Variants in FHIT observed in about 807,000 individuals in gnomAD.
FHIT encodes bis(5'-adenosyl)-triphosphatase.
A neutral mutation model predicts 17.9 loss-of-function variants in FHIT; 19 were observed. The ratio of observed to expected loss-of-function variants is 1.06; its 90% CI spans 0.74 to 1.56. The LOEUF (loss-of-function observed/expected upper bound fraction) is 1.56, where lower values mean the gene tolerates loss of function less well. FHIT is among the 40% of genes most tolerant of loss of function. The pLI is 0.00. For missense variants in FHIT, 248 were observed against 189.2 expected (o/e 1.31, Z -1.82); for synonymous variants, 81 against 69.7 (o/e 1.16, Z -0.81).
intron 6 of FHIT, among the ~76,000 whole-genome samples, chr3:60,011,864 T>C (rs1040180783): frequency 6.6e-6 from 1 of 152,190 alleles, no homozygotes; most frequent in African/African-American, 2.4e-5. Flanking sequence ...ATTCTGACCT[T>C]GTGGGAGACA....
intron 5 of FHIT, among the ~76,000 whole-genome samples, chr3:60,176,432 G>T (rs192010832): frequency 1.1e-4 from 16 of 152,172 alleles, no homozygotes; most frequent in Non-Finnish European, 2.2e-4. Flanking sequence ...AATTAGTAAA[G>T]AATATAGAAA....
At chr3:59,840,811 C>T (rs1212971232) in intron 8 of FHIT, among the ~76,000 whole-genome samples, 1 of 152,082 alleles carries the variant, frequency 6.6e-6, no homozygotes, top group Admixed American at 6.6e-5. Context: ...AGCTCTGGGA[C>T]CTTGGGCACC....
intron 8 of FHIT, among the ~76,000 whole-genome samples, chr3:59,775,703 C>T (rs561699663): frequency 2.6e-5 from 4 of 152,264 alleles, no homozygotes; most frequent in Admixed American, 6.5e-5. Flanking sequence ...GAATGGTTTC[C>T]CCTTTGTCAC....
chr3:59,763,279 C>T (rs1701620376), intron 8 of FHIT, among the ~76,000 whole-genome samples: 1 of 152,176 alleles, frequency 6.6e-6, no homozygotes, highest in Non-Finnish European at 1.5e-5. Context: ...GGAAACTCTC[C>T]AAGGAGAAAG....
At chr3:61,055,318 A>T (rs939151398) in intron 2 of FHIT, among the ~76,000 whole-genome samples, 4 of 152,152 alleles carry the variant, frequency 2.6e-5, no homozygotes, top group Non-Finnish European at 5.9e-5. Context: ...ACTTGAACTC[A>T]AAGGTAATAC....
At chr3:60,249,893 C>T (rs1013201248) in intron 5 of FHIT, among the ~76,000 whole-genome samples, 3 of 152,208 alleles carry the variant, frequency 2.0e-5, no homozygotes, top group East Asian at 3.9e-4. Flanking sequence ...AGCAAAGTCA[C>T]ACCTTACATG....
intron 8 of FHIT, among the ~76,000 whole-genome samples, chr3:59,808,190 C>T (rs1423241438): frequency 6.6e-6 from 1 of 152,112 alleles, no homozygotes; most frequent in South Asian, 2.1e-4. Flanking sequence ...AATATGTGGC[C>T]TTTAGTGTCT....
chr3:60,169,598 T>C lies in FHIT; in HGVS notation c.104-155446A>G, dbSNP rs182685131. Among the ~76,000 whole-genome samples the C allele has an allele frequency of 9.2e-5, 14 of 152,338 alleles. No individual in the cohort carries two copies. In the East Asian group the frequency reaches 2.5e-3, roughly 27 times the overall value. On this transcript the variant is annotated intron_variant, in intron 5 of 9. Transcript: ENST00000492590. ...GCCCTTAGAAACATCACAACCCATG[T>C]TCCCCTTTCAAAGGTTAGAATAATC...
At chr3:59,962,589 T>C (rs1207286098) in intron 7 of FHIT, among the ~76,000 whole-genome samples, 1 of 152,190 alleles carries the variant, frequency 6.6e-6, no homozygotes, top group Non-Finnish European at 1.5e-5. Flanking sequence ...AATTCCTAAA[T>C]GACAGGGTTT....
intron 5 of FHIT, among the ~76,000 whole-genome samples, chr3:60,376,467 T>C (rs1246724133): frequency 3.3e-5 from 5 of 152,156 alleles, no homozygotes; most frequent in African/African-American, 1.2e-4. Flanking sequence ...GCCACAGATT[T>C]TTCATAAACA....
chr3:59,798,393 C>T (rs1699864758), intron 8 of FHIT, among the ~76,000 whole-genome samples: 1 of 152,090 alleles, frequency 6.6e-6, no homozygotes, highest in Non-Finnish European at 1.5e-5. Flanking sequence ...AAGATTATAC[C>T]AAGAGTTTCC....
intron 8 of FHIT, among the ~76,000 whole-genome samples, chr3:59,896,963 T>C (rs1463332634): frequency 3.9e-5 from 6 of 152,128 alleles, no homozygotes; most frequent in Admixed American, 2.6e-4. Flanking sequence ...GAGTTGATGG[T>C]AGCATGTAGA....
intron 5 of FHIT, among the ~76,000 whole-genome samples, chr3:60,378,396 G>A (rs1441519187): frequency 1.3e-5 from 2 of 152,144 alleles, no homozygotes; most frequent in Non-Finnish European, 2.9e-5. Context: ...TATGTTCCTG[G>A]TTTTTCAGGA....
chr3:60,869,693 A>T (rs1003485110), intron 3 of FHIT, among the ~76,000 whole-genome samples: 1 of 152,162 alleles, frequency 6.6e-6, no homozygotes, highest in Non-Finnish European at 1.5e-5. Context: ...AAGATGGAAG[A>T]TAGTTCACTA....
At position 61,067,983 on chromosome 3, in the gene FHIT, C is replaced by T. The variant is rs143341679; in HGVS notation, c.-163-25884G>A. On this transcript the variant is annotated intron_variant, in intron 2 of 9. Coordinates refer to ENST00000492590, the MANE Select transcript of FHIT (RefSeq NM_002012.4). Reference sequence around the variant, plus strand: ...TATAATGGTGGTTCTCAAACTTCAGCACATCAGAATCACCTGGAGAATTCA... The same window carrying T: ...TATAATGGTGGTTCTCAAACTTCAGTACATCAGAATCACCTGGAGAATTCA... Among the ~76,000 whole-genome samples, 394 of 152,276 alleles carry T rather than the reference C, an allele frequency of 2.6e-3. 2 individuals carry two copies. The highest frequency in any genetic ancestry group is 4.6e-3 in the Non-Finnish European group (310 of 68,022).
chr3:60,522,398 C>G (rs79613752), intron 5 of FHIT, among the ~76,000 whole-genome samples: 2,211 of 152,296 alleles, frequency 0.015, 56 homozygotes, highest in African/African-American at 0.05. Context: ...GCATGAGTCA[C>G]TATGCCCAGC....
At chr3:60,407,586 C>T (rs1384403625) in intron 5 of FHIT, among the ~76,000 whole-genome samples, 1 of 152,144 alleles carries the variant, frequency 6.6e-6, no homozygotes, top group Non-Finnish European at 1.5e-5. Flanking sequence ...ATGATCTCAG[C>T]TCACTGCAAC....
intron 4 of FHIT, among the ~76,000 whole-genome samples, chr3:60,586,662 T>TA (rs775581327): frequency 1.6e-3 from 248 of 151,782 alleles, no homozygotes; most frequent in Non-Finnish European, 3.0e-3. Flanking sequence ...TATGCAGCCA[T>TA]AAAAAAAGAA....
At chr3:60,055,693 T>G (rs776252150) in intron 5 of FHIT, among the ~76,000 whole-genome samples, 2 of 152,198 alleles carry the variant, frequency 1.3e-5, no homozygotes, top group Non-Finnish European at 2.9e-5. Flanking sequence ...ACCAACATGT[T>G]GAAGGGCCAG....
Sources: allele counts gnomAD v4.1 joint callset (sites outside exome capture counted in the v4.1 genomes callset), GRCh38; gene constraint gnomAD v4.1.1; transcripts MANE v1.5; gene names NCBI Gene and HGNC (gene_info 2026-07-23, HGNC 2026-07-21).